Variants in SEZ6L observed in about 807,000 individuals in gnomAD.
The protein encoded by SEZ6L is seizure 6-like protein.
In SEZ6L, 37 loss-of-function variants were observed where a neutral mutation model predicts 106.2. The observed-to-expected ratio is 0.35, with a 90% confidence interval of 0.27 to 0.46. SEZ6L has a LOEUF of 0.46. SEZ6L is among the 20% of genes least tolerant of loss of function. SEZ6L has a pLI of 1.00. For missense variants in SEZ6L, 1,172 were observed against 1,332.8 expected (o/e 0.88, Z 1.88); for synonymous variants, 541 against 570.4 (o/e 0.95, Z 0.73).
intron 5 of SEZ6L, among the ~76,000 whole-genome samples, chr22:26,304,402 A>G (rs1440250057): frequency 6.7e-6 from 1 of 150,354 alleles, no homozygotes; most frequent in Non-Finnish European, 1.5e-5. Context: ...GAAAGAAAGA[A>G]AGAAAGAAAG....
At chr22:26,244,025 T>C (rs962641896) in intron 1 of SEZ6L, among the ~76,000 whole-genome samples, 2 of 151,976 alleles carry the variant, frequency 1.3e-5, no homozygotes, top group Non-Finnish European at 2.9e-5. Flanking sequence ...TAGCCAGACA[T>C]GGTGGCACAA....
chr22:26,197,065 A>G (rs897443279), intron 1 of SEZ6L, among the ~76,000 whole-genome samples: 2 of 152,192 alleles, frequency 1.3e-5, no homozygotes, highest in Non-Finnish European at 2.9e-5. Flanking sequence ...TTTTAGGTAT[A>G]GCTACACCCA....
intron 5 of SEZ6L, among the ~76,000 whole-genome samples, chr22:26,303,499 A>G (rs1298923138): frequency 6.6e-6 from 1 of 152,254 alleles, no homozygotes; most frequent in Non-Finnish European, 1.5e-5. Flanking sequence ...ATCATAAATA[A>G]GACAGACAGT....
At chr22:26,183,899 A>T (rs1569359818) in intron 1 of SEZ6L, among the ~76,000 whole-genome samples, 2 of 152,226 alleles carry the variant, frequency 1.3e-5, no homozygotes, top group Non-Finnish European at 1.5e-5. Context: ...CTAAGTAATA[A>T]TAAAAATAAA....
chr22:26,286,074 A>T (rs17394959), intron 1 of SEZ6L, among the ~76,000 whole-genome samples: 17,774 of 152,298 alleles, frequency 0.12, 1,136 homozygotes, highest in Middle Eastern at 0.2. Context: ...AACCACTGGA[A>T]TGGGTATTAA....
Position 26,347,757 on chromosome 22 carries a change from A to T in SEZ6L, c.2251A>T (p.Ile751Phe). 6.2e-7 allele frequency: 1 copy of T among 1,609,874 alleles called. No homozygotes were observed. Among genetic ancestry groups the T allele is most frequent in the Non-Finnish European group, 8.5e-7 (1 of 1,178,502 alleles). ...RNDSCSDLPE[I>F]QNGWKTTSHT... is the part of the protein sequence containing the mutation. Reference sequence around the variant, plus strand: ...TGACTCCTGCTCGGATTTACCCGAGATCCAGAATGGCTGGAAAACCACTTC... The same window carrying T: ...TGACTCCTGCTCGGATTTACCCGAGTTCCAGAATGGCTGGAAAACCACTTC... The change falls in exon 11 of 17, where the codon ATC (isoleucine) becomes TTC (phenylalanine). Residue 751 changes from isoleucine (I) to phenylalanine (F), a missense_variant. Transcript: ENST00000248933.
chr22:26,232,356 A>T (rs1482746826), intron 1 of SEZ6L, among the ~76,000 whole-genome samples: 3 of 134,116 alleles, frequency 2.2e-5, no homozygotes, highest in Non-Finnish European at 3.3e-5. Flanking sequence ...TCACACACAC[A>T]CACACACACA....
chr22:26,305,752 A>C (rs2081608743), intron 5 of SEZ6L, among the ~76,000 whole-genome samples: 1 of 152,202 alleles, frequency 6.6e-6, no homozygotes. Context: ...CTCCTGTCAA[A>C]CAGGATTCCC....
At position 26,367,577 on chromosome 22, in the gene SEZ6L, C is replaced by T. The variant is rs73415311; in HGVS notation, c.2794+2011C>T. On this transcript the variant is annotated intron_variant, in intron 13 of 16. Transcript: ENST00000248933. ...CCAGGCTGGTCTCTACTCCTGGCCTCAAACGATCCTCCCACCTCGGCCTCC... is the reference window on the plus strand; with the variant it reads ...CCAGGCTGGTCTCTACTCCTGGCCTTAAACGATCCTCCCACCTCGGCCTCC... Among the ~76,000 whole-genome samples, 731 of 152,254 alleles carry T rather than the reference C, an allele frequency of 4.8e-3. 8 individuals carry two copies. The highest frequency in any genetic ancestry group is 0.016 in the African/African-American group (651 of 41,538).
chr22:26,169,479 C>T lies in SEZ6L; in HGVS notation c.-191C>T, dbSNP rs1326623660. 6 of 341,324 alleles carry T rather than the reference C, an allele frequency of 1.8e-5. No individual in the cohort carries two copies. Among genetic ancestry groups the T allele is most frequent in the South Asian group, 1.5e-4 (1 of 6,664 alleles). 21.1% of individuals were successfully genotyped at this position (341,324 alleles called of 1,614,324 possible). A position where few individuals can be genotyped will look rare whatever the true frequency, so the allele number is the denominator to read the frequency against. ...TCCTCCTCACTCGCCCGCCCGCGCC[C>T]GGCGCAGCTCGGCCAGAGCGACCGC... On this transcript the variant is annotated 5_prime_UTR_variant, in exon 1 of 17. Transcript: ENST00000248933.
At chr22:26,187,162 T>G (rs751107726) in intron 1 of SEZ6L, among the ~76,000 whole-genome samples, 2 of 152,222 alleles carry the variant, frequency 1.3e-5, no homozygotes, top group African/African-American at 2.4e-5. Context: ...TCTGCATGGC[T>G]GGGAAGACCT....
At chr22:26,322,918 T>C (rs901689330) in intron 9 of SEZ6L, among the ~76,000 whole-genome samples, 2 of 152,130 alleles carry the variant, frequency 1.3e-5, no homozygotes, top group African/African-American at 4.8e-5. Context: ...CCTCTCACTC[T>C]CTCTCATTCA....
intron 1 of SEZ6L, among the ~76,000 whole-genome samples, chr22:26,272,963 G>A (rs1053585179): frequency 1.3e-5 from 2 of 152,212 alleles, no homozygotes; most frequent in African/African-American, 2.4e-5. Context: ...CCACATGACA[G>A]AGTAGTTCTG....
intron 1 of SEZ6L, among the ~76,000 whole-genome samples, chr22:26,186,413 G>A (rs998824203): frequency 6.6e-6 from 1 of 152,264 alleles, no homozygotes; most frequent in Middle Eastern, 3.4e-3. Context: ...CCACTGCAAT[G>A]GGATTTTGCA....
In SEZ6L at chr22:26,208,034, C is replaced by A. The variant is rs1026780744; in HGVS notation, c.94+38271C>A. Among the ~76,000 whole-genome samples the A allele has an allele frequency of 8.6e-5, 13 of 151,918 alleles. No individual in the cohort carries two copies. In the East Asian group the frequency reaches 2.5e-3, roughly 29 times the overall value. ...ACGCCATTCTCCTGCCTCAGCCTCT[C>A]GTGTAGCTGGGACTACAGGCGCGCG... is the stretch of plus-strand genomic sequence containing the variant. On this transcript the variant is annotated intron_variant, in intron 1 of 16. Coordinates refer to ENST00000248933, the MANE Select transcript of SEZ6L (RefSeq NM_021115.5).
intron 13 of SEZ6L, among the ~76,000 whole-genome samples, 156 bp from the exon 14 acceptor site, chr22:26,373,295 C>T (rs66508334): frequency 0.015 from 2,292 of 152,270 alleles, 32 homozygotes; most frequent in Non-Finnish European, 0.026. Flanking sequence ...AGTCCAGGCA[C>T]GTTCACTGAT....
At chr22:26,260,582 G>T (rs896742649) in intron 1 of SEZ6L, among the ~76,000 whole-genome samples, 1 of 152,000 alleles carries the variant, frequency 6.6e-6, no homozygotes, top group Admixed American at 6.6e-5. Context: ...CATAGATATA[G>T]ACATTATATA....
intron 6 of SEZ6L, 57 bp downstream of exon 6, chr22:26,306,201 GCTTGAGGACTTGGAGT>G: frequency 6.3e-7 from 1 of 1,577,762 alleles, no homozygotes; most frequent in Non-Finnish European, 8.6e-7. Context: ...TTAGAACATG[GCTTGAGGACTTGGAGT>G]CTTGAAATGG....
At chr22:26,307,835 AAAG>A (rs2145916669) in intron 6 of SEZ6L, among the ~76,000 whole-genome samples, 1 of 152,280 alleles carries the variant, frequency 6.6e-6, no homozygotes, top group East Asian at 1.9e-4. Context: ...AGCAGAGACA[AAAG>A]AATGCATCAA....
Sources: allele counts gnomAD v4.1 joint callset (sites outside exome capture counted in the v4.1 genomes callset), GRCh38; gene constraint gnomAD v4.1.1; transcripts MANE v1.5; gene names NCBI Gene and HGNC (gene_info 2026-07-23, HGNC 2026-07-21).